RIMBP2: variants seen among roughly 807,000 people sequenced by gnomAD.
RIMBP2 encodes the protein RIMS-binding protein 2.
A neutral mutation model predicts 118.6 loss-of-function variants in RIMBP2; 48 were observed. The ratio of observed to expected loss-of-function variants is 0.40; its 90% CI spans 0.32 to 0.51. The LOEUF (loss-of-function observed/expected upper bound fraction) is 0.51, where lower values mean the gene tolerates loss of function less well. RIMBP2 is among the 20% of genes least tolerant of loss of function. The pLI, the probability that RIMBP2 is intolerant of heterozygous loss-of-function variation, is 0.41. For missense variants in RIMBP2, 1,551 were observed against 1,768.3 expected, an observed-to-expected ratio of 0.88 and a Z score of 2.20; for synonymous variants, 762 against 742.9, an observed-to-expected ratio of 1.03 and a Z score of -0.42.
At chr12:130,499,962 T>C (rs925121631) in intron 4 of RIMBP2, among the ~76,000 whole-genome samples, 3 of 152,214 alleles carry the variant, frequency 2.0e-5, no homozygotes, top group Non-Finnish European at 4.4e-5. Context: ...ACTTTTATTT[T>C]AGGTTCAGGG....
At chr12:130,649,164 A>T (rs1238746715) in intron 1 of RIMBP2, among the ~76,000 whole-genome samples, 1 of 145,814 alleles carries the variant, frequency 6.9e-6, no homozygotes, top group Non-Finnish European at 1.6e-5. Flanking sequence ...GAAGCTATGG[A>T]CAAGAGAGCA....
intron 1 of RIMBP2, among the ~76,000 whole-genome samples, chr12:130,664,465 A>ACACACACG (rs74195662): frequency 0.3 from 36,619 of 122,166 alleles, 6,395 homozygotes; most frequent in Non-Finnish European, 0.39. Flanking sequence ...ATGCACGCAC[A>ACACACACG]CACACGCACG....
intron 2 of RIMBP2, among the ~76,000 whole-genome samples, chr12:130,613,016 C>A (rs1189013141): frequency 1.3e-5 from 2 of 152,104 alleles, no homozygotes; most frequent in Non-Finnish European, 2.9e-5. Flanking sequence ...CCTGGGTTAC[C>A]ATTCACCAGC....
intron 2 of RIMBP2, among the ~76,000 whole-genome samples, chr12:130,572,791 G>A (rs1321500633): frequency 2.0e-5 from 3 of 152,110 alleles, no homozygotes; most frequent in Non-Finnish European, 4.4e-5. Flanking sequence ...CGCGTGTGCA[G>A]CAGGACGACC....
intron 2 of RIMBP2, among the ~76,000 whole-genome samples, chr12:130,615,298 T>TATATATATATATATATATATATAC (rs1190414058): frequency 2.5e-5 from 3 of 120,634 alleles, no homozygotes; most frequent in Non-Finnish European, 5.3e-5. Flanking sequence ...TATATATATG[T>TATATATATATATATATATATATAC]GTACACACAA....
At chr12:130,675,985 G>A (rs192369437) in intron 1 of RIMBP2, among the ~76,000 whole-genome samples, 48 of 152,320 alleles carry the variant, frequency 3.2e-4, no homozygotes, top group African/African-American at 1.1e-3. Context: ...TGGCATTAGC[G>A]CGCCATAAGG....
At chr12:130,415,885 C>T (rs191985110) in intron 17 of RIMBP2, among the ~76,000 whole-genome samples, 50 of 152,248 alleles carry the variant, frequency 3.3e-4, no homozygotes, top group Admixed American at 1.8e-3. Context: ...GTATAAAAAT[C>T]AGTAGCATTT....
intron 1 of RIMBP2, among the ~76,000 whole-genome samples, chr12:130,643,689 T>C (rs2062726276): frequency 6.6e-6 from 1 of 152,230 alleles, no homozygotes; most frequent in South Asian, 2.1e-4. Flanking sequence ...TGTCCTTCCA[T>C]TCACATTTAT....
At chr12:130,585,253 T>C (rs1269348081) in intron 2 of RIMBP2, among the ~76,000 whole-genome samples, 1 of 151,972 alleles carries the variant, frequency 6.6e-6, no homozygotes, top group Admixed American at 6.6e-5. Context: ...CCCCACGGAG[T>C]GAGAAGGGGA....
intron 1 of RIMBP2, among the ~76,000 whole-genome samples, chr12:130,697,003 C>T (rs2065604194): frequency 6.6e-6 from 1 of 152,174 alleles, no homozygotes. Flanking sequence ...TTGGGAAGTG[C>T]CTCGCCTGCC....
intron 6 of RIMBP2, 43 bp downstream of exon 6, chr12:130,470,650 A>G (rs2080923580): frequency 4.2e-6 from 5 of 1,186,298 alleles, no homozygotes; most frequent in Non-Finnish European, 5.3e-6. Context: ...ACTCTCCCCA[A>G]CGTCCCCCAC....
At chr12:130,709,724 AC>A (rs1380579312) in intron 1 of RIMBP2, among the ~76,000 whole-genome samples, 119 of 144,330 alleles carry the variant, frequency 8.2e-4, no homozygotes, top group Non-Finnish European at 1.2e-3. Context: ...CCTTGAGGAA[AC>A]CCCCCCCCTT....
chr12:130,414,477 T>G, intron 17 of RIMBP2, 171 bp from the exon 18 acceptor site: 1 of 599,616 alleles, frequency 1.7e-6, no homozygotes. Context: ...GTCAGATGAA[T>G]TGGAGAAGCA....
intron 2 of RIMBP2, among the ~76,000 whole-genome samples, chr12:130,607,315 C>G (rs1431510991): frequency 6.6e-6 from 1 of 152,156 alleles, no homozygotes; most frequent in African/African-American, 2.4e-5. Flanking sequence ...GCTGATGTTT[C>G]CAGGCGGGGA....
chr12:130,645,653 C>T lies in RIMBP2; in HGVS notation c.-351-17197G>A, dbSNP rs543432605. 3.0e-4 allele frequency among the ~76,000 whole-genome samples: 45 copies of T among 152,314 alleles called. No homozygotes were observed. In the East Asian group the frequency reaches 4.0e-3, roughly 14 times the overall value. ...ATTTTGTGGCTACAAGAGGAGTCGG[C>T]GTTAGCCCAAAGAGCAGAGAGAAGG... On this transcript the variant is annotated intron_variant, in intron 1 of 22. Coordinates refer to ENST00000690449, the MANE Select transcript of RIMBP2 (RefSeq NM_001393629.1).
At chr12:130,673,891 C>A (rs1186176396) in intron 1 of RIMBP2, among the ~76,000 whole-genome samples, 1 of 151,572 alleles carries the variant, frequency 6.6e-6, no homozygotes, top group Non-Finnish European at 1.5e-5. Context: ...GGTGGATCAC[C>A]TGAGGTCAGG....
chr12:130,703,183 A>G lies in RIMBP2; in HGVS notation c.-352+13039T>C, dbSNP rs149143799. On this transcript the variant is annotated intron_variant, in intron 1 of 22. Transcript: ENST00000690449. This position sits in a 1 kb window ranked among gnomAD's most constrained non-coding sequence, Gnocchi z 5.7. ...TGCCAAAGTGGTCCGGCCTCCTAGCATGGGGGCAGCCAATTAACCAGGAGA... is the reference window on the plus strand; with the variant it reads ...TGCCAAAGTGGTCCGGCCTCCTAGCGTGGGGGCAGCCAATTAACCAGGAGA... Among the ~76,000 whole-genome samples, 74 of 152,200 alleles carry G rather than the reference A, an allele frequency of 4.9e-4. No individual in the cohort carries two copies. Among genetic ancestry groups the G allele is most frequent in the African/African-American group, 1.7e-3 (71 of 41,530 alleles).
chr12:130,601,245 C>G (rs747534218), intron 2 of RIMBP2, among the ~76,000 whole-genome samples: 2 of 149,448 alleles, frequency 1.3e-5, no homozygotes, highest in Non-Finnish European at 3.0e-5. Flanking sequence ...CGCCGGAGCT[C>G]TCACCTGAGT....
At chr12:130,616,665 G>A (rs1026545781) in intron 2 of RIMBP2, among the ~76,000 whole-genome samples, 4 of 152,156 alleles carry the variant, frequency 2.6e-5, no homozygotes, top group African/African-American at 7.2e-5. Context: ...TCCCAATCCC[G>A]CACCTTCCCA....
Sources: allele counts gnomAD v4.1 joint callset (sites outside exome capture counted in the v4.1 genomes callset), GRCh38; gene constraint gnomAD v4.1.1; non-coding constraint Gnocchi (gnomAD v3.1); transcripts MANE v1.5; gene names NCBI Gene and HGNC (gene_info 2026-07-23, HGNC 2026-07-21).